CREBBP: variants seen among roughly 807,000 people sequenced by gnomAD.
CREBBP encodes CREB binding lysine acetyltransferase.
A neutral mutation model predicts 265.0 loss-of-function variants in CREBBP; 19 were observed. The ratio of observed to expected loss-of-function variants is 0.07; its 90% confidence interval spans 0.05 to 0.11. The LOEUF is 0.11. CREBBP is among the 10% of genes least tolerant of loss of function. The pLI, the probability that CREBBP is intolerant of heterozygous loss-of-function variation, is 1.00. For synonymous variants in CREBBP, 1,457 were observed against 1,223.7 expected (o/e 1.19, Z -3.98); for missense variants, 2,525 against 3,219.0 (o/e 0.78, Z 5.22).
intron 2 of CREBBP, among the ~76,000 whole-genome samples, chr16:3,837,202 G>A (rs907036629): frequency 1.3e-5 from 2 of 152,174 alleles, no homozygotes; most frequent in Non-Finnish European, 2.9e-5. Flanking sequence ...GGGACAAGAT[G>A]TGGAGGAGAA....
chr16:3,816,721 T>C (rs1397607878), intron 2 of CREBBP, among the ~76,000 whole-genome samples: 1 of 152,170 alleles, frequency 6.6e-6, no homozygotes, highest in East Asian at 1.9e-4. Flanking sequence ...TAAATGTTTG[T>C]AATAATCTAT....
At chr16:3,776,984 C>G (rs2053155154) in intron 11 of CREBBP, among the ~76,000 whole-genome samples, 1 of 150,960 alleles carries the variant, frequency 6.6e-6, no homozygotes, top group South Asian at 2.1e-4. Flanking sequence ...TGCCACTGCA[C>G]TCCAGCCTGG....
chr16:3,833,493 G>A (rs937929805), intron 2 of CREBBP, among the ~76,000 whole-genome samples: 1 of 152,108 alleles, frequency 6.6e-6, no homozygotes, highest in Non-Finnish European at 1.5e-5. Context: ...TGAATAAAAT[G>A]CATACAGATG....
chr16:3,865,830 G>A (rs1480010840), intron 1 of CREBBP, among the ~76,000 whole-genome samples: 1 of 152,122 alleles, frequency 6.6e-6, no homozygotes. Flanking sequence ...TAGAGACGGG[G>A]TTTCACCATG....
intron 2 of CREBBP, among the ~76,000 whole-genome samples, chr16:3,847,466 TC>T (rs1433928704): frequency 6.6e-6 from 1 of 152,210 alleles, no homozygotes; most frequent in African/African-American, 2.4e-5. Flanking sequence ...CACTACTTGG[TC>T]TTTCATTCCA....
At chr16:3,818,240 C>T (rs1336482906) in intron 2 of CREBBP, among the ~76,000 whole-genome samples, 1 of 151,412 alleles carries the variant, frequency 6.6e-6, no homozygotes, top group Non-Finnish European at 1.5e-5. Flanking sequence ...GACCTAGAGT[C>T]GGCCAGGCCA....
chr16:3,874,049 A>C (rs2055351680), intron 1 of CREBBP, among the ~76,000 whole-genome samples: 1 of 152,192 alleles, frequency 6.6e-6, no homozygotes, highest in South Asian at 2.1e-4. Context: ...GAAGGGGAGC[A>C]AGCCTAGAGC....
intron 12 of CREBBP, 22 bp downstream of exon 12, chr16:3,774,547 C>T (rs200147637): frequency 1.2e-6 from 2 of 1,613,850 alleles, no homozygotes; most frequent in East Asian, 2.2e-5. Flanking sequence ...CTATCTGCAG[C>T]ACAGCGAAAG....
intron 1 of CREBBP, among the ~76,000 whole-genome samples, chr16:3,872,302 T>C (rs2055315844): frequency 6.6e-6 from 1 of 152,162 alleles, no homozygotes; most frequent in African/African-American, 2.4e-5. Flanking sequence ...CTTGCCCAAT[T>C]TGATTTGTGT....
At chr16:3,805,327 CTA>C (rs1186300141) in intron 3 of CREBBP, among the ~76,000 whole-genome samples, 1 of 152,216 alleles carries the variant, frequency 6.6e-6, no homozygotes, top group Non-Finnish European at 1.5e-5. Context: ...TGTAATTTTT[CTA>C]TAGACACTGT....
intron 3 of CREBBP, among the ~76,000 whole-genome samples, chr16:3,803,503 T>TCAA (rs530651333): frequency 1.1e-4 from 17 of 151,914 alleles, no homozygotes; most frequent in East Asian, 1.9e-4. Flanking sequence ...AGACTCTCTC[T>TCAA]CAACAACAAC....
intron 18 of CREBBP, 86 bp downstream of exon 18, chr16:3,757,723 T>C (rs566628690): frequency 6.4e-7 from 1 of 1,570,694 alleles, no homozygotes; most frequent in South Asian, 1.1e-5. Context: ...ACTCCCAGTA[T>C]ACAGGCGTGG....
At chr16:3,804,646 G>A (rs536164215) in intron 3 of CREBBP, among the ~76,000 whole-genome samples, 8 of 152,308 alleles carry the variant, frequency 5.3e-5, no homozygotes, top group African/African-American at 1.4e-4. Context: ...GTATTTACTC[G>A]GTTCTTCTAA....
intron 1 of CREBBP, among the ~76,000 whole-genome samples, chr16:3,864,814 C>A (rs973476822): frequency 8.5e-5 from 13 of 152,220 alleles, no homozygotes; most frequent in African/African-American, 3.1e-4. Flanking sequence ...CACCTGTAAT[C>A]CCAGCACTGT....
chr16:3,828,396 C>G lies in CREBBP; in HGVS notation c.799-17617G>C, dbSNP rs901387996. On this transcript the variant is annotated intron_variant, in intron 2 of 30. Transcript: ENST00000262367. The stretch of plus-strand genomic sequence containing the variant: ...CGTGAGCCACCATGCCCGTCGAAAG[C>G]TGACTTCTTTATGGGTCTTACAAAA... Among the ~76,000 whole-genome samples, 11 of 152,338 alleles carry G rather than the reference C, an allele frequency of 7.2e-5. No individual in the cohort carries two copies. In the East Asian group the frequency reaches 2.1e-3, roughly 29 times the overall value.
At chr16:3,795,308 C>T (rs1469704752) in intron 3 of CREBBP, among the ~76,000 whole-genome samples, 1 of 152,190 alleles carries the variant, frequency 6.6e-6, no homozygotes, top group Non-Finnish European at 1.5e-5. Flanking sequence ...TAGAGAACTA[C>T]TACAGAAATA....
chr16:3,787,709 G>C (rs1039196721), intron 5 of CREBBP, among the ~76,000 whole-genome samples: 10 of 152,038 alleles, frequency 6.6e-5, no homozygotes, highest in African/African-American at 1.9e-4. Context: ...GCCCAGGCTG[G>C]AGTGCAGTGG....
Position 3,748,283 on chromosome 16 carries a change from A to G in CREBBP, c.3836+1344T>C, listed in dbSNP as rs1171734178. ...ACAGAGCAAGACTTGTCTCAGGGGGAAAAAAAAAAAGGAAAGAAAAGTAGA... is the reference window on the plus strand; with the variant it reads ...ACAGAGCAAGACTTGTCTCAGGGGGGAAAAAAAAAAGGAAAGAAAAGTAGA... On this transcript the variant is annotated intron_variant, in intron 21 of 30. Coordinates refer to ENST00000262367, the MANE Select transcript of CREBBP (RefSeq NM_004380.3). Among the ~76,000 whole-genome samples, 9 of 143,804 alleles carry G rather than the reference A, an allele frequency of 6.3e-5. No individual in the cohort carries two copies. In the South Asian group the frequency reaches 7.1e-4, roughly 11 times the overall value. 94.3% of individuals were successfully genotyped at this position (143,804 alleles called of 152,430 possible).
At chr16:3,850,177 G>A in intron 2 of CREBBP, 120 bp downstream of exon 2, 1 of 906,354 alleles carries the variant, frequency 1.1e-6, no homozygotes, top group East Asian at 2.4e-5. Context: ...AAGCATGAGT[G>A]GCACGTGGAG....
Sources: allele counts gnomAD v4.1 joint callset (sites outside exome capture counted in the v4.1 genomes callset), GRCh38; gene constraint gnomAD v4.1.1; transcripts MANE v1.5; gene names NCBI Gene and HGNC (gene_info 2026-07-23, HGNC 2026-07-21).